PPARGC1A: variants seen among roughly 807,000 people sequenced by gnomAD.
PPARGC1A encodes peroxisome proliferator-activated receptor gamma coactivator 1-alpha.
In PPARGC1A, 25 loss-of-function variants were observed where a neutral mutation model predicts 88.7. The observed-to-expected ratio is 0.28, with a 90% CI of 0.21 to 0.39. The LOEUF (loss-of-function observed/expected upper bound fraction) is 0.39. Among genes scored for constraint, PPARGC1A ranks in the 10% least tolerant of loss-of-function variants. PPARGC1A has a pLI of 1.00. For synonymous variants in PPARGC1A, 363 were observed against 355.6 expected, an observed-to-expected ratio of 1.02 and a Z score of -0.24; for missense variants, 880 against 968.7, an observed-to-expected ratio of 0.91 and a Z score of 1.22.
chr4:24,067,787 C>T, the PPARGC1A span, among the ~76,000 whole-genome samples: 6 of 152,212 alleles, frequency 3.9e-5, no homozygotes, highest in Non-Finnish European at 7.3e-5. Context: ...GTTCCCATCT[C>T]GAGCACTTCA....
chr4:23,878,348 TAA>T (rs61188993), intron 2 of PPARGC1A, among the ~76,000 whole-genome samples: 24 of 98,934 alleles, frequency 2.4e-4, no homozygotes, highest in Admixed American at 4.5e-4. Context: ...TCAACGTCCA[TAA>T]AAAAAAAAAA....
the PPARGC1A span, among the ~76,000 whole-genome samples, chr4:24,062,226 T>G: frequency 6.6e-6 from 1 of 152,228 alleles, no homozygotes; most frequent in Non-Finnish European, 1.5e-5. Flanking sequence ...ATGCCCTGCA[T>G]GTGACAATGA....
At chr4:23,957,243 A>C in the PPARGC1A span, among the ~76,000 whole-genome samples, 1 of 152,018 alleles carries the variant, frequency 6.6e-6, no homozygotes, top group Admixed American at 6.6e-5. Flanking sequence ...ACTTCCTCTG[A>C]GAGTGTCCCT....
At chr4:24,339,192 A>ATGTGTGTG in the PPARGC1A span, among the ~76,000 whole-genome samples, 37 of 91,260 alleles carry the variant, frequency 4.1e-4, no homozygotes, top group South Asian at 2.6e-3. Context: ...AGGTTCATCC[A>ATGTGTGTG]TGTGTGTGTG....
chr4:24,339,565 G>C, the PPARGC1A span, among the ~76,000 whole-genome samples: 2 of 151,944 alleles, frequency 1.3e-5, no homozygotes, highest in Non-Finnish European at 2.9e-5. Context: ...ATTAATGCCC[G>C]TTCCACCATG....
chr4:24,148,447 C>T, the PPARGC1A span, among the ~76,000 whole-genome samples: 3 of 152,134 alleles, frequency 2.0e-5, no homozygotes, highest in Admixed American at 6.5e-5. Context: ...CATGTAACAC[C>T]TACTGAAATT....
chr4:24,387,763 AG>A, the PPARGC1A span, among the ~76,000 whole-genome samples: 134 of 77,212 alleles, frequency 1.7e-3, 1 homozygote, highest in African/African-American at 4.7e-3. Context: ...AGAGAGAGAG[AG>A]AGAGAAAGAA....
chr4:24,066,606 G>A, the PPARGC1A span, among the ~76,000 whole-genome samples: 7 of 152,240 alleles, frequency 4.6e-5, 1 homozygote, highest in African/African-American at 1.7e-4. Flanking sequence ...TAGAGCTAAT[G>A]GGAGCTACAG....
At chr4:24,215,770 T>C in the PPARGC1A span, among the ~76,000 whole-genome samples, 1 of 152,154 alleles carries the variant, frequency 6.6e-6, no homozygotes, top group Non-Finnish European at 1.5e-5. Context: ...ATATCCACAT[T>C]GAATTAAAGC....
the PPARGC1A span, among the ~76,000 whole-genome samples, chr4:23,961,297 G>A: frequency 4.3e-3 from 658 of 152,218 alleles, 6 homozygotes; most frequent in African/African-American, 0.015. Context: ...CTCCTAACTG[G>A]AGGATCAGGG....
At chr4:24,113,985 G>A in the PPARGC1A span, among the ~76,000 whole-genome samples, 8 of 152,002 alleles carry the variant, frequency 5.3e-5, no homozygotes, top group African/African-American at 1.4e-4. Flanking sequence ...ATAGTTGGGC[G>A]TGGTGTTGCA....
At chr4:23,864,562 A>G (rs1244694818) in intron 2 of PPARGC1A, among the ~76,000 whole-genome samples, 2 of 152,226 alleles carry the variant, frequency 1.3e-5, no homozygotes, top group Non-Finnish European at 2.9e-5. Flanking sequence ...AAAGGAAATG[A>G]TGGAGGAAGA....
the PPARGC1A span, among the ~76,000 whole-genome samples, chr4:24,055,467 G>A: frequency 6.6e-6 from 1 of 152,166 alleles, no homozygotes; most frequent in African/African-American, 2.4e-5. Flanking sequence ...ACAAAGAAAA[G>A]ATGTTTATCG....
chr4:24,379,273 G>GA, the PPARGC1A span, among the ~76,000 whole-genome samples: 6 of 152,184 alleles, frequency 3.9e-5, no homozygotes, highest in African/African-American at 1.4e-4. Context: ...CCAGAGGCTG[G>GA]AAAGGGTGTA....
chr4:24,459,362 A>G, the PPARGC1A span, among the ~76,000 whole-genome samples: 1 of 151,956 alleles, frequency 6.6e-6, no homozygotes, highest in Non-Finnish European at 1.5e-5. Flanking sequence ...TGAGTTAAAG[A>G]TTATTTCTCT....
the PPARGC1A span, among the ~76,000 whole-genome samples, chr4:24,095,380 G>A: frequency 6.6e-6 from 1 of 152,124 alleles, no homozygotes; most frequent in African/African-American, 2.4e-5. Context: ...GCCTCCCAAA[G>A]TGCTGAGATT....
At chr4:23,983,399 AG>A in the PPARGC1A span, among the ~76,000 whole-genome samples, 1 of 152,168 alleles carries the variant, frequency 6.6e-6, no homozygotes, top group African/African-American at 2.4e-5. Flanking sequence ...AATCAGATGC[AG>A]TGCCTTTAAA....
At position 23,813,088 on chromosome 4, in the gene PPARGC1A, G is replaced by A. The variant is rs772790630; in HGVS notation, c.1831C>T (p.Arg611Cys). ...TACAAGGGAGAATTTCGGTGCGTGC[G>A]GTGTCTGTAGTGGCTTGACTCATAG... ...YYYESSHYRH[R>C]THRNSPLYVR... The change falls in exon 9 of 13, where the codon CGC (arginine) becomes TGC (cysteine). Residue 611 changes from arginine to cysteine, a missense_variant. Physicochemically the swap from Arg to Cys is radical, Grantham distance 180. Coordinates refer to ENST00000264867, the MANE Select transcript of PPARGC1A (RefSeq NM_013261.5). 31 of 1,613,910 alleles carry A rather than the reference G, an allele frequency of 1.9e-5. No homozygotes were observed. The highest frequency in any genetic ancestry group is 1.6e-4 in the South Asian group (15 of 91,086).
chr4:23,803,551 C>T (rs1384007464), intron 10 of PPARGC1A, among the ~76,000 whole-genome samples: 1 of 152,096 alleles, frequency 6.6e-6, no homozygotes, highest in Non-Finnish European at 1.5e-5. Flanking sequence ...TCTTTTTTTA[C>T]AGCACAGAAA....
Sources: allele counts gnomAD v4.1 joint callset (sites outside exome capture counted in the v4.1 genomes callset), GRCh38; gene constraint gnomAD v4.1.1; transcripts MANE v1.5; gene names NCBI Gene and HGNC (gene_info 2026-07-23, HGNC 2026-07-21).